SNX8: variants seen among roughly 807,000 people sequenced by gnomAD.
SNX8 encodes the protein sorting nexin-8.
In SNX8, 25 loss-of-function variants were observed where a neutral mutation model predicts 51.6. The observed-to-expected ratio is 0.48, with a 90% CI of 0.35 to 0.68. SNX8 has a LOEUF of 0.68. Ranked by LOEUF, SNX8 falls within the 30% of genes least tolerant of loss-of-function variation. The probability of loss-of-function intolerance (pLI) is 0.00; values close to 1 mark genes in which losing one functional copy is unlikely to be tolerated. For synonymous variants in SNX8, 324 were observed against 277.0 expected (o/e 1.17, Z -1.68); for missense variants, 695 against 624.0 (o/e 1.11, Z -1.21).
intron 1 of SNX8, among the ~76,000 whole-genome samples, chr7:2,289,851 C>T (rs983118429): frequency 1.3e-5 from 2 of 152,098 alleles, no homozygotes; most frequent in South Asian, 2.1e-4. Context: ...GAGCCATGAT[C>T]GAGCCACTAC....
chr7:2,262,627 T>C (rs1160076631), intron 7 of SNX8, among the ~76,000 whole-genome samples: 1 of 152,202 alleles, frequency 6.6e-6, no homozygotes, highest in African/African-American at 2.4e-5. Flanking sequence ...GGAGTATGCC[T>C]GGAAGCCCAA....
intron 1 of SNX8, among the ~76,000 whole-genome samples, chr7:2,351,003 C>G (rs1779126691): frequency 6.6e-6 from 1 of 152,122 alleles, no homozygotes; most frequent in Non-Finnish European, 1.5e-5. Context: ...CCTATAGTCT[C>G]AACTACTCAG....
At chr7:2,282,649 G>A (rs979541793) in intron 1 of SNX8, among the ~76,000 whole-genome samples, 3 of 152,150 alleles carry the variant, frequency 2.0e-5, no homozygotes, top group South Asian at 2.1e-4. Context: ...CTGACATCTC[G>A]GGCCTCCCAC....
At chr7:2,301,091 A>G (rs1796379949) in intron 1 of SNX8, among the ~76,000 whole-genome samples, 1 of 152,238 alleles carries the variant, frequency 6.6e-6, no homozygotes, top group African/African-American at 2.4e-5. Flanking sequence ...CTGTTCTGAA[A>G]AGATAAAAAG....
At chr7:2,348,875 C>T (rs1276349039) in intron 1 of SNX8, among the ~76,000 whole-genome samples, 1 of 150,402 alleles carries the variant, frequency 6.6e-6, no homozygotes, top group African/African-American at 2.4e-5. Context: ...TCATTTGAAC[C>T]CGGGAGGCGG....
intron 1 of SNX8, chr7:2,309,876 G>A (rs1249715354): frequency 6.4e-6 from 3 of 471,168 alleles, no homozygotes; most frequent in African/African-American, 4.0e-5. Context: ...CCAGGCAAGA[G>A]GGGAAGGCTC....
intron 1 of SNX8, among the ~76,000 whole-genome samples, chr7:2,332,631 G>A (rs1380336869): frequency 1.3e-5 from 2 of 151,852 alleles, no homozygotes; most frequent in Non-Finnish European, 2.9e-5. Context: ...GAGGACACCT[G>A]TAGTCCCAGC....
chr7:2,346,268 C>G (rs1047722589), intron 1 of SNX8, among the ~76,000 whole-genome samples: 6 of 56,672 alleles, frequency 1.1e-4, no homozygotes, highest in Non-Finnish European at 2.2e-4. Context: ...ATAGTGAGAC[C>G]CTGGTCTCTA....
upstream of SNX8, among the ~76,000 whole-genome samples, chr7:2,316,708 A>C (rs1425475297): frequency 2.7e-5 from 3 of 109,728 alleles, no homozygotes; most frequent in Non-Finnish European, 3.9e-5. Flanking sequence ...CATTCATGCA[A>C]CCACTCACTC....
At chr7:2,306,512 C>T (rs552389381) in intron 1 of SNX8, among the ~76,000 whole-genome samples, 1 of 152,244 alleles carries the variant, frequency 6.6e-6, no homozygotes, top group East Asian at 1.9e-4. Context: ...GAAATTTTAT[C>T]ATATTAGCAC....
chr7:2,311,641 TAA>T lies in SNX8; in HGVS notation c.94+2685_94+2686del. ...CCTCTGGATTTTAGTTTTCTCAATG[TAA>T]AAAGACCTGCGAGGCCGGGCGCGGT... is the stretch of plus-strand genomic sequence containing the variant. On this transcript the variant is annotated intron_variant, in intron 1 of 10. Coordinates refer to ENST00000222990, the MANE Select transcript of SNX8 (RefSeq NM_013321.4). 1.3e-5 allele frequency among the ~76,000 whole-genome samples: 2 copies of T among 151,886 alleles called. 1 individual carries two copies. Among genetic ancestry groups the T allele is most frequent in the East Asian group, 3.9e-4 (2 of 5,150 alleles).
Position 2,282,743 on chromosome 7 carries a change from G to A in SNX8, c.95-4438C>T, listed in dbSNP as rs191035826. Among the ~76,000 whole-genome samples the A allele has an allele frequency of 1.7e-3, 258 of 152,302 alleles. 1 individual carries two copies. Among genetic ancestry groups the A allele is most frequent in the African/African-American group, 5.6e-3 (233 of 41,552 alleles). ...TGAATTCCCAGCACTTTGGGAGGCC[G>A]AGGCAGGTGGATCACCTAAGGTCAG... On this transcript the variant is annotated intron_variant, in intron 1 of 10. Coordinates refer to ENST00000222990, the MANE Select transcript of SNX8 (RefSeq NM_013321.4).
In SNX8 at chr7:2,264,496, G is replaced by T. The variant is rs369757606; in HGVS notation, c.622-38C>A. 42 of 1,582,344 alleles carry T rather than the reference G, an allele frequency of 2.7e-5. No homozygotes were observed. The African/African-American group carries it at 5.2e-4, about 20-fold the overall frequency. Reference sequence around the variant, plus strand: ...TGGGGGGAGAGACACTGTGTTAGTCGCTGGGGAGCACCTGTCAGACGGCAG... The same window carrying T: ...TGGGGGGAGAGACACTGTGTTAGTCTCTGGGGAGCACCTGTCAGACGGCAG... On this transcript the variant is annotated intron_variant, in intron 5 of 10. Transcript: ENST00000222990.
At chr7:2,310,812 T>C (rs1403260972) in intron 1 of SNX8, among the ~76,000 whole-genome samples, 3 of 151,982 alleles carry the variant, frequency 2.0e-5, no homozygotes, top group Non-Finnish European at 2.9e-5. Flanking sequence ...AAAAGAAAGC[T>C]AGAGAATATA....
rs192870056 is a variant in SNX8 at position 2,289,059 on chromosome 7, G to A, written c.95-10754C>T. Among the ~76,000 whole-genome samples the A allele has an allele frequency of 3.3e-5, 5 of 152,142 alleles. No homozygotes were observed. The East Asian group carries it at 7.7e-4, about 23-fold the overall frequency. ...GCTTGTTTTTATATTATGTAACCAC[G>A]GTCGAAAGTCAGTTCCTTTGTTCCT... On this transcript the variant is annotated intron_variant, in intron 1 of 10. Coordinates refer to ENST00000222990, the MANE Select transcript of SNX8 (RefSeq NM_013321.4).
intron 7 of SNX8, among the ~76,000 whole-genome samples, chr7:2,262,982 G>A (rs1795372878): frequency 2.0e-5 from 3 of 152,360 alleles, no homozygotes; most frequent in Admixed American, 2.0e-4. Context: ...AGCCAGGCAT[G>A]GTGGTGGACA....
At chr7:2,292,831 G>A (rs376901187) in intron 1 of SNX8, among the ~76,000 whole-genome samples, 2 of 151,972 alleles carry the variant, frequency 1.3e-5, no homozygotes, top group African/African-American at 4.8e-5. Flanking sequence ...ACCAGCCTGG[G>A]CAACGCGGCA....
rs1795836445 is a variant in SNX8 at position 2,278,506 on chromosome 7, C to T, written c.95-201G>A. Among the ~76,000 whole-genome samples the T allele has an allele frequency of 2.0e-5, 3 of 152,214 alleles. No homozygotes were observed. In the East Asian group the frequency reaches 5.8e-4, roughly 29 times the overall value. On this transcript the variant is annotated intron_variant, in intron 1 of 10. Transcript: ENST00000222990. ...AAAAAATAAAATAAATTGAAAAGTG[C>T]AGCCTCCCTCTGCTGTGTGCTAGCT...
At chr7:2,344,598 C>T (rs988020276) in intron 1 of SNX8, among the ~76,000 whole-genome samples, 1 of 120,976 alleles carries the variant, frequency 8.3e-6, no homozygotes. Context: ...GGTGACAGAG[C>T]GAGACTCCAA....
Sources: allele counts gnomAD v4.1 joint callset (sites outside exome capture counted in the v4.1 genomes callset), GRCh38; gene constraint gnomAD v4.1.1; transcripts MANE v1.5; gene names NCBI Gene and HGNC (gene_info 2026-07-23, HGNC 2026-07-21).